Variants in TMEM117 observed in about 807,000 individuals in gnomAD.
TMEM117 encodes the protein transmembrane protein 117.
In TMEM117, 27 loss-of-function variants were observed where a neutral mutation model predicts 52.4. That is an observed-to-expected ratio of 0.51 (90% CI 0.38 to 0.71). TMEM117 has a LOEUF of 0.71. Among genes scored for constraint, TMEM117 ranks in the 30% least tolerant of loss-of-function variants. The probability of loss-of-function intolerance (pLI) is 0.00; values close to 1 mark genes in which losing one functional copy is unlikely to be tolerated. For synonymous variants in TMEM117, 215 were observed against 206.3 expected, an observed-to-expected ratio of 1.04 and a Z score of -0.36; for missense variants, 556 against 630.5, an observed-to-expected ratio of 0.88 and a Z score of 1.26.
intron 2 of TMEM117, among the ~76,000 whole-genome samples, chr12:43,883,097 G>A (rs1240534038): frequency 6.6e-6 from 1 of 152,094 alleles, no homozygotes; most frequent in Non-Finnish European, 1.5e-5. Flanking sequence ...ATAAAAAGGA[G>A]AAGAGTTCTA....
chr12:43,850,399 C>T (rs1179070179), intron 2 of TMEM117, among the ~76,000 whole-genome samples: 1 of 152,208 alleles, frequency 6.6e-6, no homozygotes, highest in East Asian at 1.9e-4. Context: ...TTATGATCTA[C>T]TTCTTCCTCA....
chr12:44,393,777 T>C (rs1952170969), downstream of TMEM117, among the ~76,000 whole-genome samples: 1 of 152,182 alleles, frequency 6.6e-6, no homozygotes, highest in Non-Finnish European at 1.5e-5. Context: ...TGGATGTAAT[T>C]TACAATTTAA....
At chr12:44,087,745 A>G (rs1193405660) in intron 3 of TMEM117, among the ~76,000 whole-genome samples, 1 of 152,166 alleles carries the variant, frequency 6.6e-6, no homozygotes, top group Non-Finnish European at 1.5e-5. Flanking sequence ...GATTACAGGC[A>G]TGGACCACCA....
chr12:44,212,318 G>A (rs1323471979), intron 5 of TMEM117, among the ~76,000 whole-genome samples: 9 of 152,074 alleles, frequency 5.9e-5, no homozygotes, highest in Non-Finnish European at 1.3e-4. Flanking sequence ...TAGTTACTTA[G>A]TAGCTATCTC....
chr12:44,123,277 A>G (rs1181567823), intron 3 of TMEM117, among the ~76,000 whole-genome samples: 4 of 151,228 alleles, frequency 2.6e-5, no homozygotes, highest in Admixed American at 6.6e-5. Context: ...TTTAAGTTAC[A>G]TATTGTTTGC....
chr12:44,024,310 A>G (rs749286110), intron 3 of TMEM117, among the ~76,000 whole-genome samples: 1 of 151,928 alleles, frequency 6.6e-6, no homozygotes, highest in African/African-American at 2.4e-5. Context: ...ATGAAGTCAT[A>G]AAAGTAAGGT....
intron 3 of TMEM117, among the ~76,000 whole-genome samples, chr12:44,076,368 A>G (rs929682893): frequency 1.3e-5 from 2 of 152,196 alleles, no homozygotes; most frequent in Non-Finnish European, 2.9e-5. Context: ...GATTTCAATG[A>G]CATATATAGC....
At chr12:44,144,641 A>C (rs2138203352) in intron 4 of TMEM117, among the ~76,000 whole-genome samples, 1 of 152,332 alleles carries the variant, frequency 6.6e-6, no homozygotes, top group Middle Eastern at 3.4e-3. Context: ...GCTCCTACTG[A>C]GAACATCCAG....
At chr12:44,233,523 A>G (rs1337345372) in intron 5 of TMEM117, among the ~76,000 whole-genome samples, 4 of 151,264 alleles carry the variant, frequency 2.6e-5, no homozygotes, top group Non-Finnish European at 5.9e-5. Context: ...TTGGTTAACT[A>G]TTTCCAATAA....
intron 4 of TMEM117, among the ~76,000 whole-genome samples, chr12:44,168,686 A>AT (rs536867216): frequency 9.2e-5 from 14 of 152,230 alleles, no homozygotes; most frequent in Admixed American, 5.2e-4. Context: ...GCTAAAATAT[A>AT]TTTTTTTATT....
intron 3 of TMEM117, among the ~76,000 whole-genome samples, chr12:43,985,601 G>C (rs1032644914): frequency 6.6e-6 from 1 of 152,194 alleles, no homozygotes; most frequent in Non-Finnish European, 1.5e-5. Flanking sequence ...AAATGTTTGT[G>C]TATGGAACAT....
chr12:44,255,697 A>G (rs997659901), intron 5 of TMEM117, among the ~76,000 whole-genome samples: 4 of 152,112 alleles, frequency 2.6e-5, no homozygotes, highest in Non-Finnish European at 5.9e-5. Flanking sequence ...ACACATATAC[A>G]TGCATAGGTA....
At chr12:43,975,644 G>A (rs773628367) in intron 3 of TMEM117, among the ~76,000 whole-genome samples, 1 of 152,122 alleles carries the variant, frequency 6.6e-6, no homozygotes, top group Non-Finnish European at 1.5e-5. Flanking sequence ...TGATAATATC[G>A]TATCTACTTC....
Position 44,211,328 on chromosome 12 carries a change from C to G in TMEM117, c.549C>G (p.Asp183Glu). The G allele has an allele frequency of 6.2e-7, 1 of 1,612,452 alleles. No individual in the cohort carries two copies. The highest frequency in any genetic ancestry group is 1.1e-5 in the South Asian group (1 of 90,946). ...DMMLQDKPYPDWGKSARAFWK... is the reference protein window; with the variant it reads ...DMMLQDKPYPEWGKSARAFWK... ...TGCTTCAGGACAAACCCTATCCTGA[C>G]TGGGGAAAATCAGCAAGAGCTTTCT... The change falls in exon 5 of 8, where the codon GAC becomes GAG. Residue 183 changes from aspartate (D) to glutamate (E), a missense_variant. By Grantham distance (45) the Asp-to-Glu change is conservative (BLOSUM62 2). Coordinates refer to ENST00000266534, the MANE Select transcript of TMEM117 (RefSeq NM_032256.3).
intron 2 of TMEM117, among the ~76,000 whole-genome samples, chr12:43,914,311 C>A (rs1592359015): frequency 6.6e-6 from 1 of 152,152 alleles, no homozygotes; most frequent in Non-Finnish European, 1.5e-5. Flanking sequence ...TTCTTCCTTT[C>A]TCAGACCTGC....
chr12:44,160,272 T>TACACATATGTATATATATATACACAC (rs1473669848), intron 4 of TMEM117, among the ~76,000 whole-genome samples: 1 of 151,986 alleles, frequency 6.6e-6, no homozygotes, highest in African/African-American at 2.4e-5. Context: ...TACATACACA[T>TACACATATGTATATATATATACACAC]ACACATATGT....
chr12:43,827,962 G>A, the TMEM117 span, among the ~76,000 whole-genome samples: 1 of 152,188 alleles, frequency 6.6e-6, no homozygotes, highest in Non-Finnish European at 1.5e-5. Flanking sequence ...TGATGCGTCT[G>A]CAAGTCAAGG....
In TMEM117 at chr12:44,388,065, T is replaced by G. The variant is rs559708235; in HGVS notation, c.938T>G (p.Ile313Ser). 6.2e-7 allele frequency: 1 copy of G among 1,612,210 alleles called. No homozygotes were observed. The highest frequency in any genetic ancestry group is 1.3e-5 in the African/African-American group (1 of 74,870). ...TATGGAATTATCTTCCTCGTCTTGA[T>G]TTTGGATCTTAATATGTGGAAGAAC... ...FNYGIIFLVL[I>S]LDLNMWKNQI... Residue 313 changes from isoleucine to serine, a missense_variant, in exon 8 of 8, where the codon ATT (isoleucine) becomes AGT (serine). By Grantham distance (142) the Ile-to-Ser change is moderately radical (BLOSUM62 -2). Transcript: ENST00000266534.
At chr12:44,269,290 A>G (rs1472524686) in intron 5 of TMEM117, among the ~76,000 whole-genome samples, 2 of 152,084 alleles carry the variant, frequency 1.3e-5, no homozygotes, top group Non-Finnish European at 2.9e-5. Context: ...ACCCCAATCC[A>G]CACTCCTTAA....
Sources: allele counts gnomAD v4.1 joint callset (sites outside exome capture counted in the v4.1 genomes callset), GRCh38; gene constraint gnomAD v4.1.1; transcripts MANE v1.5; gene names NCBI Gene and HGNC (gene_info 2026-07-23, HGNC 2026-07-21).